The following NTM variants were observed in gnomAD, a reference collection of about 807,000 sequenced individuals.
NTM encodes the protein IgLON family member 2.
In NTM, 13 loss-of-function variants were observed where a neutral mutation model predicts 42.1. The ratio of observed to expected loss-of-function variants is 0.31; its 90% CI spans 0.20 to 0.49. NTM has a LOEUF of 0.49. NTM is among the 20% of genes least tolerant of loss of function. The pLI, the probability that NTM is intolerant of heterozygous loss-of-function variation, is 0.99. For missense variants in NTM, 373 were observed against 452.8 expected (o/e 0.82, Z 1.60); for synonymous variants, 187 against 179.2 (o/e 1.04, Z -0.35).
At chr11:131,438,747 A>C (rs886865946) in intron 1 of NTM, among the ~76,000 whole-genome samples, 4 of 151,960 alleles carry the variant, frequency 2.6e-5, no homozygotes, top group Non-Finnish European at 5.9e-5. Flanking sequence ...TAGCTTGGAG[A>C]AGTTTGTTAT....
At chr11:131,604,957 T>C (rs1050432573) in intron 1 of NTM, among the ~76,000 whole-genome samples, 5 of 152,246 alleles carry the variant, frequency 3.3e-5, no homozygotes, top group Non-Finnish European at 7.4e-5. Context: ...CTGTTTTGAT[T>C]ACTGTAGGCT....
At chr11:131,560,625 A>G (rs2056105471) in intron 1 of NTM, among the ~76,000 whole-genome samples, 1 of 152,212 alleles carries the variant, frequency 6.6e-6, no homozygotes, top group African/African-American at 2.4e-5. Flanking sequence ...TCTTTTGAAT[A>G]TGAAAAAGCC....
At chr11:132,250,132 G>T (rs1012622709) in intron 4 of NTM, among the ~76,000 whole-genome samples, 2 of 152,062 alleles carry the variant, frequency 1.3e-5, no homozygotes, top group African/African-American at 4.8e-5. Flanking sequence ...ATTCCTGAAC[G>T]GTACTTATTC....
intron 1 of NTM, among the ~76,000 whole-genome samples, chr11:131,720,436 C>A (rs1378263579): frequency 6.6e-6 from 1 of 152,136 alleles, no homozygotes; most frequent in Non-Finnish European, 1.5e-5. Context: ...CTTTGGAATG[C>A]AACACACATA....
intron 1 of NTM, among the ~76,000 whole-genome samples, chr11:131,650,132 G>A (rs2066285355): frequency 6.6e-6 from 1 of 152,154 alleles, no homozygotes; most frequent in African/African-American, 2.4e-5. Context: ...ACTATTCATG[G>A]TATAGCAGGA....
In NTM at chr11:132,036,869, G is replaced by A. The variant is rs77529426; in HGVS notation, c.168-109413G>A. The stretch of plus-strand genomic sequence containing the variant: ...CTAATCCTTGGGAAATGGACTGAAG[G>A]GCCATGTGTCTTGCTATTAGAAAGT... On this transcript the variant is annotated intron_variant, in intron 2 of 8. Coordinates refer to ENST00000683400, the MANE Select transcript of NTM (RefSeq NM_001352005.2). Among the ~76,000 whole-genome samples the A allele has an allele frequency of 7.0e-3, 1,065 of 152,236 alleles. 22 individuals are homozygous for A. Among genetic ancestry groups the A allele is most frequent in the African/African-American group, 0.025 (1,026 of 41,538 alleles).
At chr11:132,114,455 G>T (rs2063614774) in intron 2 of NTM, among the ~76,000 whole-genome samples, 2 of 152,142 alleles carry the variant, frequency 1.3e-5, no homozygotes, top group African/African-American at 2.4e-5. Context: ...TTCAGTGAGG[G>T]AAGCTACTCA....
At chr11:131,464,648 C>T (rs1477185700) in intron 1 of NTM, among the ~76,000 whole-genome samples, 2 of 152,182 alleles carry the variant, frequency 1.3e-5, no homozygotes, top group African/African-American at 4.8e-5. Context: ...AACAAGCTCA[C>T]AAATCAGAGA....
chr11:131,580,519 C>T (rs549247890), intron 1 of NTM, among the ~76,000 whole-genome samples: 1 of 152,242 alleles, frequency 6.6e-6, no homozygotes, highest in Admixed American at 6.5e-5. Context: ...GGCACACACT[C>T]TCCAGGATTT....
intron 1 of NTM, among the ~76,000 whole-genome samples, chr11:131,616,997 C>T (rs1050839032): frequency 7.9e-5 from 12 of 152,172 alleles, no homozygotes; most frequent in Admixed American, 1.3e-4. Context: ...ATGCAGACTG[C>T]TCAATCAGCA....
At chr11:131,697,183 A>G (rs970728780) in intron 1 of NTM, among the ~76,000 whole-genome samples, 18 of 152,234 alleles carry the variant, frequency 1.2e-4, no homozygotes, top group African/African-American at 4.3e-4. Context: ...TGAATATAAT[A>G]AGCACAGAGA....
At chr11:131,986,495 T>C (rs2066094126) in intron 2 of NTM, among the ~76,000 whole-genome samples, 1 of 152,228 alleles carries the variant, frequency 6.6e-6, no homozygotes, top group African/African-American at 2.4e-5. Flanking sequence ...CATTTTATTG[T>C]TTCAGTTAAT....
intron 1 of NTM, among the ~76,000 whole-genome samples, chr11:131,709,519 G>A (rs1423994709): frequency 2.6e-5 from 4 of 152,216 alleles, no homozygotes; most frequent in African/African-American, 7.2e-5. Context: ...AAATAAGGTA[G>A]GAGTCAAGAT....
chr11:131,764,469 C>T (rs1181840546), intron 1 of NTM, among the ~76,000 whole-genome samples: 2 of 152,072 alleles, frequency 1.3e-5, no homozygotes, highest in Non-Finnish European at 2.9e-5. Flanking sequence ...AAGCAGCTGT[C>T]GAACTGTTGG....
chr11:132,237,654 T>C (rs1329360533), intron 4 of NTM, among the ~76,000 whole-genome samples: 5 of 151,948 alleles, frequency 3.3e-5, no homozygotes, highest in Non-Finnish European at 5.9e-5. Context: ...CCAATGCTAG[T>C]CCCTCTCTCT....
At chr11:132,168,012 T>G (rs2075545433) in intron 3 of NTM, among the ~76,000 whole-genome samples, 1 of 152,170 alleles carries the variant, frequency 6.6e-6, no homozygotes, top group Non-Finnish European at 1.5e-5. Context: ...TCCGTTTTCC[T>G]GCAGCTCAAA....
At position 132,176,536 on chromosome 11, in the gene NTM, T is replaced by C. The variant is rs549611115; in HGVS notation, c.400+30022T>C. ...TTATGCATGTAACAAAAATATATGC[T>C]GGTGTTTAACAAAAAATAAATATTT... On this transcript the variant is annotated intron_variant, in intron 3 of 8. Coordinates refer to ENST00000683400, the MANE Select transcript of NTM (RefSeq NM_001352005.2). 2.6e-5 allele frequency among the ~76,000 whole-genome samples: 4 copies of C among 151,936 alleles called. No individual in the cohort carries two copies. In the South Asian group the frequency reaches 6.2e-4, roughly 24 times the overall value.
intron 3 of NTM, among the ~76,000 whole-genome samples, chr11:132,150,459 G>A (rs141863648): frequency 1.3e-5 from 2 of 152,272 alleles, no homozygotes; most frequent in African/African-American, 2.4e-5. Flanking sequence ...TGCTATAAGG[G>A]GTTACCATTA....
At chr11:131,386,937 C>G (rs146425987) in intron 1 of NTM, among the ~76,000 whole-genome samples, 223 of 152,310 alleles carry the variant, frequency 1.5e-3, no homozygotes, top group African/African-American at 5.2e-3. Flanking sequence ...TCCTTTCTTG[C>G]ATTGCCTTTT....
Sources: gnomAD v4.1 joint callset for allele counts (sites outside exome capture counted in the v4.1 genomes callset) on GRCh38, gnomAD v4.1.1 for gene constraint, MANE v1.5 for transcripts, NCBI Gene and HGNC (gene_info 2026-07-23, HGNC 2026-07-21) for gene names.